LINGO2: variants seen among roughly 807,000 people sequenced by gnomAD.
LINGO2 encodes the protein leucine rich repeat and Ig domain containing 2.
LINGO2 carries 14 observed loss-of-function variants against 30.6 expected under a neutral mutation model. That is an observed-to-expected ratio of 0.46 (90% CI 0.30 to 0.72). The LOEUF (loss-of-function observed/expected upper bound fraction) is 0.72. Among genes scored for constraint, LINGO2 ranks in the 30% least tolerant of loss-of-function variants. LINGO2 has a pLI of 0.07. For synonymous variants in LINGO2, 317 were observed against 288.5 expected (o/e 1.10, Z -1.00); for missense variants, 729 against 751.7 (o/e 0.97, Z 0.35).
intron 4 of LINGO2, among the ~76,000 whole-genome samples, chr9:28,201,258 T>G (rs372271879): frequency 2.8e-5 from 4 of 140,436 alleles, no homozygotes; most frequent in Non-Finnish European, 4.6e-5. Flanking sequence ...TCCCCAGAGT[T>G]TGATATTCCC....
chr9:28,226,431 C>T (rs1301822944), intron 4 of LINGO2, among the ~76,000 whole-genome samples: 2 of 152,080 alleles, frequency 1.3e-5, no homozygotes, highest in African/African-American at 2.4e-5. Flanking sequence ...ATACAATGCA[C>T]GTCTGCTATA....
At chr9:28,670,027 G>A (rs1283147017) in intron 1 of LINGO2, among the ~76,000 whole-genome samples, 173 bp downstream of exon 3, 1 of 151,820 alleles carries the variant, frequency 6.6e-6, no homozygotes, top group Non-Finnish European at 1.5e-5. Flanking sequence ...ACTTCCTCCA[G>A]TCACTTTGGG....
intron 4 of LINGO2, among the ~76,000 whole-genome samples, chr9:28,161,607 A>C (rs1020399950): frequency 1.3e-5 from 2 of 152,150 alleles, no homozygotes; most frequent in Non-Finnish European, 2.9e-5. Context: ...ATAATTCTCC[A>C]TCTCGATGTA....
the LINGO2 span, among the ~76,000 whole-genome samples, chr9:28,692,915 T>G: frequency 6.6e-6 from 1 of 152,158 alleles, no homozygotes; most frequent in Non-Finnish European, 1.5e-5. Context: ...TCTACAACAT[T>G]GTAGAGGAAA....
chr9:28,910,542 C>G, the LINGO2 span, among the ~76,000 whole-genome samples: 1 of 151,972 alleles, frequency 6.6e-6, no homozygotes, highest in African/African-American at 2.4e-5. Flanking sequence ...GTGATTAAAT[C>G]ATGGGGGCAA....
chr9:29,075,144 G>C, the LINGO2 span, among the ~76,000 whole-genome samples: 1 of 151,982 alleles, frequency 6.6e-6, no homozygotes, highest in African/African-American at 2.4e-5. Flanking sequence ...ACTTAGTTCT[G>C]AAAACACAAT....
At chr9:28,506,479 C>CATATATATATATAT (rs1262674322) in intron 1 of LINGO2, among the ~76,000 whole-genome samples, 8 of 11,358 alleles carry the variant, frequency 7.0e-4, no homozygotes, top group Non-Finnish European at 2.6e-3. Flanking sequence ...CACACACACA[C>CATATATATATATAT]ATACACATAC....
Position 28,022,867 on chromosome 9 carries a change from T to TTTTTGTTTTG in LINGO2, c.-86-10472_-86-10463dup, listed in dbSNP as rs3064665. Reference sequence around the variant, plus strand: ...ACAACTCTGGATGTTCTCTGCTGATTTTTTGTTTTGTTTTGTTTTTCAGTT... The same window carrying TTTTTGTTTTG: ...ACAACTCTGGATGTTCTCTGCTGATTTTTTGTTTTGTTTTGTTTTGTTTTGTTTTTCAGTT... On this transcript the variant is annotated intron_variant, in intron 4 of 5. Coordinates refer to ENST00000379992, the Ensembl canonical transcript of LINGO2. Among the ~76,000 whole-genome samples the TTTTTGTTTTG allele has an allele frequency of 9.6e-3, 1,449 of 150,444 alleles. 11 individuals are homozygous for TTTTTGTTTTG. Among genetic ancestry groups the TTTTTGTTTTG allele is most frequent in the Middle Eastern group, 0.024 (7 of 292 alleles).
At chr9:28,903,802 T>C in the LINGO2 span, among the ~76,000 whole-genome samples, 2 of 152,052 alleles carry the variant, frequency 1.3e-5, no homozygotes, top group African/African-American at 2.4e-5. Flanking sequence ...AATTAAGAAA[T>C]AATACCAATC....
chr9:28,575,734 C>T (rs894532085), intron 1 of LINGO2, among the ~76,000 whole-genome samples: 1 of 152,012 alleles, frequency 6.6e-6, no homozygotes, highest in Non-Finnish European at 1.5e-5. Context: ...CTTAAGAATA[C>T]AAATACGTCT....
intron 4 of LINGO2, among the ~76,000 whole-genome samples, chr9:28,044,663 C>A (rs1441020696): frequency 3.3e-5 from 5 of 151,942 alleles, no homozygotes; most frequent in Non-Finnish European, 2.9e-5. Flanking sequence ...GAAGAGGAAA[C>A]CATGCTATCA....
chr9:27,977,270 A>T (rs994719367), intron 5 of LINGO2, among the ~76,000 whole-genome samples: 2 of 151,808 alleles, frequency 1.3e-5, no homozygotes, highest in African/African-American at 4.8e-5. Context: ...GTTACTCCTA[A>T]TGCTAAGTAT....
At chr9:28,894,875 T>A in the LINGO2 span, among the ~76,000 whole-genome samples, 1 of 152,154 alleles carries the variant, frequency 6.6e-6, no homozygotes, top group Admixed American at 6.6e-5. Context: ...ACTTAAAATC[T>A]AATATCTTAG....
the LINGO2 span, among the ~76,000 whole-genome samples, chr9:28,793,543 G>A: frequency 6.6e-6 from 1 of 152,148 alleles, no homozygotes; most frequent in Non-Finnish European, 1.5e-5. Flanking sequence ...GCAGTTACAT[G>A]CCATTTTAAT....
chr9:27,974,500 T>C lies in LINGO2; in HGVS notation c.-35-23794A>G, dbSNP rs186689748. On this transcript the variant is annotated intron_variant, in intron 5 of 5. Transcript: ENST00000379992. ...TCACCAAAGGCCTGCAGGTACTCCTTGGATAATGGGGATTCCCTCGAAGAA... is the reference window on the plus strand; with the variant it reads ...TCACCAAAGGCCTGCAGGTACTCCTCGGATAATGGGGATTCCCTCGAAGAA... Among the ~76,000 whole-genome samples the C allele has an allele frequency of 3.3e-3, 504 of 152,232 alleles. 6 individuals are homozygous for C. The highest frequency in any genetic ancestry group is 2.6e-3 in the Non-Finnish European group (177 of 68,004).
intron 4 of LINGO2, among the ~76,000 whole-genome samples, chr9:28,207,495 T>A (rs1820448225): frequency 6.6e-6 from 1 of 152,126 alleles, no homozygotes; most frequent in South Asian, 2.1e-4. Context: ...GAGAAGGTAC[T>A]GGTCTTGAAA....
the LINGO2 span, among the ~76,000 whole-genome samples, chr9:29,072,757 C>T: frequency 6.6e-6 from 1 of 151,680 alleles, no homozygotes; most frequent in East Asian, 1.9e-4. Flanking sequence ...TCTGTCTCCT[C>T]TTCTCTCTCC....
chr9:28,849,404 C>T, the LINGO2 span, among the ~76,000 whole-genome samples: 1 of 151,946 alleles, frequency 6.6e-6, no homozygotes, highest in African/African-American at 2.4e-5. Flanking sequence ...TAGAATGTAA[C>T]CTAACTCCAC....
At chr9:28,192,152 C>A (rs573993888) in intron 4 of LINGO2, among the ~76,000 whole-genome samples, 2 of 152,034 alleles carry the variant, frequency 1.3e-5, no homozygotes, top group Admixed American at 1.3e-4. Flanking sequence ...CCACAGTCTT[C>A]TCATTGCTCA....
Sources: gnomAD v4.1 joint callset for allele counts (sites outside exome capture counted in the v4.1 genomes callset) on GRCh38, gnomAD v4.1.1 for gene constraint, MANE v1.5 for transcripts, NCBI Gene and HGNC (gene_info 2026-07-23, HGNC 2026-07-21) for gene names.